Variants in PIEZO2 observed in about 807,000 individuals in gnomAD.
PIEZO2 encodes piezo type mechanosensitive ion channel component 2.
Under a neutral mutation model 337.3 loss-of-function variants are expected in PIEZO2, and 172 were observed. The ratio of observed to expected loss-of-function variants is 0.51; its 90% confidence interval spans 0.45 to 0.58. The LOEUF (loss-of-function observed/expected upper bound fraction) is 0.58. PIEZO2 is among the 20% of genes least tolerant of loss of function. PIEZO2 has a pLI of 0.00. For synonymous variants in PIEZO2, 1,251 were observed against 1,228.5 expected, an observed-to-expected ratio of 1.02 and a Z score of -0.38; for missense variants, 3,028 against 3,391.3, an observed-to-expected ratio of 0.89 and a Z score of 2.66.
At chr18:10,873,491 T>A (rs1464389406) in intron 4 of PIEZO2, among the ~76,000 whole-genome samples, 1 of 152,176 alleles carries the variant, frequency 6.6e-6, no homozygotes. Context: ...ATGTGCACAT[T>A]TATACTTAAC....
intron 49 of PIEZO2, among the ~76,000 whole-genome samples, chr18:10,688,980 A>G (rs967358868): frequency 6.6e-6 from 1 of 152,192 alleles, no homozygotes; most frequent in African/African-American, 2.4e-5. Flanking sequence ...CATGACTGTA[A>G]CGCTGAAATT....
At chr18:10,989,153 T>C (rs1220656503) in intron 2 of PIEZO2, among the ~76,000 whole-genome samples, 1 of 152,098 alleles carries the variant, frequency 6.6e-6, no homozygotes, top group African/African-American at 2.4e-5. Flanking sequence ...GTGGCAGATA[T>C]GTTTATGGCT....
In PIEZO2 at chr18:10,833,556, G is replaced by A. The variant is rs994839770; in HGVS notation, c.917+21797C>T. ...CGTCTGTGCCCCCAGTTACTACAAG[G>A]ATGAGAGATTGTACAGCCCAAACTG... On this transcript the variant is annotated intron_variant, in intron 7 of 55. Transcript: ENST00000674853. This position sits in a 1 kb window ranked among gnomAD's most constrained non-coding sequence, Gnocchi z 4.7. Among the ~76,000 whole-genome samples the A allele has an allele frequency of 6.6e-6, 1 of 152,122 alleles. No individual in the cohort carries two copies. The highest frequency in any genetic ancestry group is 2.4e-5 in the African/African-American group (1 of 41,418).
rs1221283750 is a variant in PIEZO2 at position 11,117,000 on chromosome 18, T to C, written c.64+31525A>G. ...GGCACGTGCCTGTAGTGCCAGCTAC[T>C]TTGGAGGCTGAGGCAAGAGAATCAT... On this transcript the variant is annotated intron_variant, in intron 1 of 55. Coordinates refer to ENST00000674853, the MANE Select transcript of PIEZO2 (RefSeq NM_001378183.1). This position sits in a 1 kb window ranked among gnomAD's most constrained non-coding sequence, Gnocchi z 5.0. Among the ~76,000 whole-genome samples the C allele has an allele frequency of 2.6e-5, 4 of 152,056 alleles. No individual in the cohort carries two copies. Among genetic ancestry groups the C allele is most frequent in the South Asian group, 2.1e-4 (1 of 4,824 alleles).
Position 11,069,587 on chromosome 18 carries a change from T to A in PIEZO2, c.65-3365A>T, listed in dbSNP as rs1183953814. Among the ~76,000 whole-genome samples, 1 of 152,162 alleles carries A rather than the reference T, an allele frequency of 6.6e-6. No individual in the cohort carries two copies. Among genetic ancestry groups the A allele is most frequent in the Non-Finnish European group, 1.5e-5 (1 of 68,018 alleles). On this transcript the variant is annotated intron_variant, in intron 1 of 55. Transcript: ENST00000674853. This position sits in a 1 kb window ranked among gnomAD's most constrained non-coding sequence, Gnocchi z 4.9. ...CTAATATCACACTCAACAATGACAA[T>A]TTAAAGCTTTTCTTTTAAGACCAGA...
Position 10,872,126 on chromosome 18 carries a change from A to G in PIEZO2, c.330-711T>C, listed in dbSNP as rs1034179247. On this transcript the variant is annotated intron_variant, in intron 4 of 55. Transcript: ENST00000674853. This position sits in a 1 kb window ranked among gnomAD's most constrained non-coding sequence, Gnocchi z 4.3. ...GTCACGGTTTTAGAAGAAAATATAAATACATATACATGAAATAATGTTCGT... is the reference window on the plus strand; with the variant it reads ...GTCACGGTTTTAGAAGAAAATATAAGTACATATACATGAAATAATGTTCGT... 2.6e-5 allele frequency among the ~76,000 whole-genome samples: 4 copies of G among 152,236 alleles called. No individual in the cohort carries two copies. Among genetic ancestry groups the G allele is most frequent in the African/African-American group, 9.6e-5 (4 of 41,466 alleles).
chr18:11,077,835 CTG>C lies in PIEZO2; in HGVS notation c.65-11615_65-11614del, dbSNP rs1306677327. On this transcript the variant is annotated intron_variant, in intron 1 of 55. Coordinates refer to ENST00000674853, the MANE Select transcript of PIEZO2 (RefSeq NM_001378183.1). The surrounding 1 kb of genome is among the most constrained non-coding windows in gnomAD (Gnocchi z 4.8). ...AATAAGGTGGGAATGGCTTACTAGA[CTG>C]TGTTACAAAGTAGAGCATAAGTGTC... 6.6e-6 allele frequency among the ~76,000 whole-genome samples: 1 copy of C among 152,180 alleles called. No homozygotes were observed. The highest frequency in any genetic ancestry group is 1.5e-5 in the Non-Finnish European group (1 of 68,036).
intron 28 of PIEZO2, among the ~76,000 whole-genome samples, chr18:10,752,021 A>G (rs957736569): frequency 6.6e-6 from 1 of 152,158 alleles, no homozygotes; most frequent in Non-Finnish European, 1.5e-5. Context: ...GGGTCCCTCA[A>G]CCGTACATTG....
chr18:10,800,243 T>C, intron 11 of PIEZO2, 94 bp downstream of exon 11: 1 of 1,449,266 alleles, frequency 6.9e-7, no homozygotes, highest in Non-Finnish European at 9.1e-7. Flanking sequence ...ATACAGTTTT[T>C]AAAAAAATAA....
At chr18:10,984,871 T>G (rs1387845093) in intron 2 of PIEZO2, among the ~76,000 whole-genome samples, 1 of 152,114 alleles carries the variant, frequency 6.6e-6, no homozygotes, top group Admixed American at 6.6e-5. Context: ...CAAGGTTACC[T>G]TCAAAAGGCT....
At chr18:10,700,191 A>T (rs1279932637) in intron 43 of PIEZO2, among the ~76,000 whole-genome samples, 1 of 152,024 alleles carries the variant, frequency 6.6e-6, no homozygotes, top group Non-Finnish European at 1.5e-5. Flanking sequence ...TTATTTCACA[A>T]CTTTCTCAGT....
intron 36 of PIEZO2, among the ~76,000 whole-genome samples, chr18:10,718,732 C>T (rs1021114091): frequency 3.9e-5 from 6 of 152,106 alleles, no homozygotes; most frequent in Admixed American, 6.6e-5. Context: ...ACTATCAATG[C>T]TGGGTGCAGT....
At chr18:10,720,415 G>GTA (rs1264134293) in intron 36 of PIEZO2, among the ~76,000 whole-genome samples, 6 of 39,914 alleles carry the variant, frequency 1.5e-4, no homozygotes, top group Non-Finnish European at 3.5e-4. Context: ...ATGTGTATGT[G>GTA]TATGTATATA....
In PIEZO2 at chr18:10,973,363, T is replaced by C. The variant is rs1239812767; in HGVS notation, c.286+6172A>G. ...TTCAGCAATGCTTCCATCCAGAATCTACTGATCATAAATGTGTCTTTGCTC... is the reference window on the plus strand; with the variant it reads ...TTCAGCAATGCTTCCATCCAGAATCCACTGATCATAAATGTGTCTTTGCTC... On this transcript the variant is annotated intron_variant, in intron 3 of 55. Coordinates refer to ENST00000674853, the MANE Select transcript of PIEZO2 (RefSeq NM_001378183.1). This position sits in a 1 kb window ranked among gnomAD's most constrained non-coding sequence, Gnocchi z 4.9. 6.6e-6 allele frequency among the ~76,000 whole-genome samples: 1 copy of C among 152,230 alleles called. No individual in the cohort carries two copies. The highest frequency in any genetic ancestry group is 2.4e-5 in the African/African-American group (1 of 41,460).
chr18:10,791,272 T>G lies in PIEZO2; in HGVS notation c.1811A>C (p.Gln604Pro). The G allele has an allele frequency of 6.5e-7, 1 of 1,536,096 alleles. No homozygotes were observed. Among genetic ancestry groups the G allele is most frequent in the Non-Finnish European group, 8.7e-7 (1 of 1,146,278 alleles). Residue 604 changes from glutamine (Q) to proline (P), a missense_variant, in exon 14 of 56, where the codon CAA (glutamine) becomes CCA (proline). Around this residue, in one of 5 missense-constraint regions of PIEZO2, gnomAD observed 1,925 missense variants for 2,051.9 expected, o/e 0.94. Coordinates refer to ENST00000674853, the MANE Select transcript of PIEZO2 (RefSeq NM_001378183.1). ...WLLLRQHLTE[Q>P]KALQEKEALL... is the part of the protein sequence containing the mutation. ...AGCTTCCTTTTCTTGCAGAGCTTTT[T>G]GCTCTGTGAGGTGCTGCCTCAGCAG...
rs56398766 is a variant in PIEZO2 at position 11,080,576 on chromosome 18, G to A, written c.65-14354C>T. On this transcript the variant is annotated intron_variant, in intron 1 of 55. Transcript: ENST00000674853. The surrounding 1 kb of genome is among the most constrained non-coding windows in gnomAD (Gnocchi z 5.4). ...AAACAGAGGCATCAGGCCAGGTGCGGGGCTCACGCCTATAATCCCAGCACT... is the reference window on the plus strand; with the variant it reads ...AAACAGAGGCATCAGGCCAGGTGCGAGGCTCACGCCTATAATCCCAGCACT... 0.039 allele frequency among the ~76,000 whole-genome samples: 5,964 copies of A among 152,256 alleles called. 133 individuals are homozygous for A. The highest frequency in any genetic ancestry group is 0.054 in the African/African-American group (2,235 of 41,572).
intron 1 of PIEZO2, among the ~76,000 whole-genome samples, chr18:11,134,057 T>A (rs113380432): frequency 2.6e-5 from 4 of 152,152 alleles, no homozygotes; most frequent in African/African-American, 9.6e-5. Flanking sequence ...TGCTGGAGGG[T>A]TTAAGGCAGA....
chr18:10,857,293 G>C (rs1448924942), intron 5 of PIEZO2, 82 bp from the exon 6 acceptor site: 1 of 1,205,720 alleles, frequency 8.3e-7, no homozygotes, highest in African/African-American at 1.5e-5. Context: ...CTAATTCATG[G>C]GTCAGTCAAC....
rs1030192198 is a variant in PIEZO2, at chr18:11,038,236, C to T, written c.160+27891G>A. ...ACACAGCCATAAAAATCATACCACC[C>T]GTTCACATATAATTCATCATATTCT... On this transcript the variant is annotated intron_variant, in intron 2 of 55. Transcript: ENST00000674853. The surrounding 1 kb of genome is among the most constrained non-coding windows in gnomAD (Gnocchi z 4.1). 2.6e-5 allele frequency among the ~76,000 whole-genome samples: 4 copies of T among 152,116 alleles called. No homozygotes were observed. Among genetic ancestry groups the T allele is most frequent in the Non-Finnish European group, 5.9e-5 (4 of 68,036 alleles).
Sources: allele counts gnomAD v4.1 joint callset (sites outside exome capture counted in the v4.1 genomes callset), GRCh38; gene constraint gnomAD v4.1.1; regional missense constraint gnomAD v4.1.1; non-coding constraint Gnocchi (gnomAD v3.1); transcripts MANE v1.5; gene names NCBI Gene and HGNC (gene_info 2026-07-23, HGNC 2026-07-21).